Variants in KDM6B observed in about 807,000 individuals in gnomAD.
KDM6B encodes lysine-specific demethylase 6B.
Under a neutral mutation model 150.4 loss-of-function variants are expected in KDM6B, and 22 were observed. The observed-to-expected ratio is 0.15, with a 90% CI of 0.10 to 0.21. The LOEUF is 0.21. Ranked by LOEUF, KDM6B falls within the 10% of genes least tolerant of loss-of-function variation. The pLI is 1.00. For synonymous variants in KDM6B, 1,148 were observed against 921.1 expected (o/e 1.25, Z -4.46); for missense variants, 1,984 against 2,234.3 (o/e 0.89, Z 2.26).
At position 7,834,220 on chromosome 17, in the gene KDM6B, T is replaced by C. The variant is rs1279308142; in HGVS notation, c.-518T>C. ...GCTGGGGAGCGGGGGTGCGGGTGTTTGTGTTGGAAAATCCAACTGCGCCAC... is the reference window on the plus strand; with the variant it reads ...GCTGGGGAGCGGGGGTGCGGGTGTTCGTGTTGGAAAATCCAACTGCGCCAC... On this transcript the variant is annotated 5_prime_UTR_variant, in exon 1 of 24. Coordinates refer to ENST00000448097, the MANE Select transcript of KDM6B (RefSeq NM_001348716.2). 4.0e-5 allele frequency among the ~76,000 whole-genome samples: 6 copies of C among 150,392 alleles called. No homozygotes were observed. The East Asian group carries it at 1.2e-3, about 31-fold the overall frequency.
At chr17:7,840,514 G>A (rs1334673074) in intron 2 of KDM6B, 1 of 152,164 alleles carries the variant, frequency 6.6e-6, no homozygotes, top group East Asian at 1.9e-4. Context: ...ATCTCTTTCA[G>A]TCCCATTCTC....
chr17:7,850,991 C>G, intron 14 of KDM6B, 30 bp from the exon 15 acceptor site: 1 of 1,556,228 alleles, frequency 6.4e-7, no homozygotes, highest in Non-Finnish European at 8.7e-7. Flanking sequence ...CTGCCTCTGC[C>G]CCGACACCCT....
chr17:7,853,196 C>A lies in KDM6B; in HGVS notation c.4738-14C>A. On this transcript the variant is annotated splice_polypyrimidine_tract_variant and intron_variant, in intron 22 of 23. Coordinates refer to ENST00000448097, the MANE Select transcript of KDM6B (RefSeq NM_001348716.2). The stretch of plus-strand genomic sequence containing the variant: ...CCCTCCCTCCCCCTGACTGCACTGT[C>A]CTCCCTGCCCCAGGTGGAGGTGTTT... 1.2e-6 allele frequency: 2 copies of A among 1,613,542 alleles called. No homozygotes were observed. Among genetic ancestry groups the A allele is most frequent in the South Asian group, 2.2e-5 (2 of 90,978 alleles).
At chr17:7,836,762 C>T (rs1450383778) in intron 1 of KDM6B, among the ~76,000 whole-genome samples, 1 of 152,214 alleles carries the variant, frequency 6.6e-6, no homozygotes, top group Non-Finnish European at 1.5e-5. Context: ...TTTGGGTTCC[C>T]AGAATTCCTA....
At chr17:7,846,041 AACCCCCACCCAC>A in intron 6 of KDM6B, 25 bp from the exon 7 acceptor site, 5 of 1,177,870 alleles carry the variant, frequency 4.2e-6, no homozygotes, top group Non-Finnish European at 6.1e-6. Flanking sequence ...CCTCAAGCCC[AACCCCCACCCAC>A]ACCCCCACCC....
At position 7,845,425 on chromosome 17, in the gene KDM6B, T is replaced by A. The variant is rs2078511607; in HGVS notation, c.-37T>A. The A allele has an allele frequency of 1.7e-6, 2 of 1,180,618 alleles. No homozygotes were observed. Among genetic ancestry groups the A allele is most frequent in the Non-Finnish European group, 2.5e-6 (2 of 788,552 alleles). 73.1% of individuals were successfully genotyped at this position (1,180,618 alleles called of 1,614,324 possible). ...AGCTGGGGCAGGGGGCCGTGCCCAATCTCCAGGGCTCCTGGGGCCACTGCT... is the reference window on the plus strand; with the variant it reads ...AGCTGGGGCAGGGGGCCGTGCCCAAACTCCAGGGCTCCTGGGGCCACTGCT... On this transcript the variant is annotated 5_prime_UTR_variant, in exon 4 of 24. Transcript: ENST00000448097.
Position 7,844,835 on chromosome 17 carries a change from C to T in KDM6B, c.-268-66C>T, listed in dbSNP as rs1317029869. 6.3e-6 allele frequency: 1 copy of T among 158,480 alleles called. No homozygotes were observed. The highest frequency in any genetic ancestry group is 2.4e-5 in the African/African-American group (1 of 41,448). The allele number at this position is 158,480 out of a possible 1,614,324, so 9.8% of individuals were successfully genotyped here. A position where few individuals can be genotyped will look rare whatever the true frequency, so the allele number is the denominator to read the frequency against. ...CCCCGGGCTGAGCTCGTCTGACCGGCTCCCGCGCCCCTCCTCCCCCGGCCA... is the reference window on the plus strand; with the variant it reads ...CCCCGGGCTGAGCTCGTCTGACCGGTTCCCGCGCCCCTCCTCCCCCGGCCA... On this transcript the variant is annotated intron_variant, in intron 2 of 23. Coordinates refer to ENST00000448097, the MANE Select transcript of KDM6B (RefSeq NM_001348716.2). This position sits in a 1 kb window ranked among gnomAD's most constrained non-coding sequence, Gnocchi z 5.9.
chr17:7,850,110 G>A lies in KDM6B; in HGVS notation c.3606G>A (p.Leu1202=), dbSNP rs752398243. The A allele has an allele frequency of 2.5e-6, 4 of 1,613,928 alleles. No individual in the cohort carries two copies. In the South Asian group the frequency reaches 3.3e-5, roughly 13 times the overall value. The part of the protein sequence containing the change: ...SKRDAFSPVL[L]QFCTDPRNPI... ...GGGATGCCTTCTCACCTGTCCTGCT[G>A]CAGTTCTGTACAGACCCTCGAAATC... The change falls in exon 14 of 24, where the codon CTG becomes CTA. Residue 1202 remains leucine, a synonymous_variant. Coordinates refer to ENST00000448097, the MANE Select transcript of KDM6B (RefSeq NM_001348716.2).
At position 7,846,382 on chromosome 17, in the gene KDM6B, G is replaced by A. The variant is rs774824018; in HGVS notation, c.457-18G>A. 5 of 569,318 alleles carry A rather than the reference G, an allele frequency of 8.8e-6. No homozygotes were observed. The highest frequency in any genetic ancestry group is 6.4e-5 in the East Asian group (1 of 15,680). 35.3% of individuals were successfully genotyped at this position (569,318 alleles called of 1,614,324 possible). A position where few individuals can be genotyped will look rare whatever the true frequency, so the allele number is the denominator to read the frequency against. ...CCCACCTGACATCTGCCCCTGCCCC[G>A]TGTCCCCCCACCCCCAGGCCCAGCT... On this transcript the variant is annotated intron_variant, in intron 7 of 23. Transcript: ENST00000448097.
chr17:7,835,024 G>A (rs1277392618), intron 1 of KDM6B, among the ~76,000 whole-genome samples: 1 of 152,118 alleles, frequency 6.6e-6, no homozygotes, highest in Non-Finnish European at 1.5e-5. Flanking sequence ...AGATGGCGAG[G>A]GCGAGACGCA....
rs147635033 is a variant in KDM6B, at chr17:7,837,287, T to TGGGG, written c.-387-2613_-387-2610dup. Among the ~76,000 whole-genome samples the TGGGG allele has an allele frequency of 0.015, 2,225 of 150,732 alleles. 74 individuals carry two copies. The East Asian group carries it at 0.15, about 10-fold the overall frequency. Reference sequence around the variant, plus strand: ...AAAGACGGAAGAGTTGTGTGTAGTATGGGGGGGGGTTCACTACACACCAGC... The same window carrying TGGGG: ...AAAGACGGAAGAGTTGTGTGTAGTATGGGGGGGGGGGGGTTCACTACACACCAGC... On this transcript the variant is annotated intron_variant, in intron 1 of 23. Transcript: ENST00000448097.
Position 7,847,460 on chromosome 17 carries a change from A to G in KDM6B, c.1257+8A>G, listed in dbSNP as rs2078578011. 6.2e-7 allele frequency: 1 copy of G among 1,613,624 alleles called. No individual in the cohort carries two copies. Among genetic ancestry groups the G allele is most frequent in the African/African-American group, 1.3e-5 (1 of 75,032 alleles). On this transcript the variant is annotated splice_region_variant and intron_variant, in intron 11 of 23. Coordinates refer to ENST00000448097, the MANE Select transcript of KDM6B (RefSeq NM_001348716.2). ...GAGCCGAACCCAGGCATTGTGAGTGACAACTGAGGGTGGAGGGGGGGATGG... is the reference window on the plus strand; with the variant it reads ...GAGCCGAACCCAGGCATTGTGAGTGGCAACTGAGGGTGGAGGGGGGGATGG...
intron 7 of KDM6B, 30 bp from the exon 8 acceptor site, chr17:7,846,370 T>TGGGGCGGGCCGGGGG: frequency 6.7e-7 from 1 of 1,501,962 alleles, no homozygotes; most frequent in Non-Finnish European, 9.1e-7. Flanking sequence ...ACCTGACATC[T>TGGGGCGGGCCGGGGG]GCCCCTGCCC....
Position 7,848,649 on chromosome 17 carries a change from C to T in KDM6B, c.2361C>T (p.Pro787=). Residue 787 remains proline (P), a synonymous_variant, in exon 12 of 24, where the codon CCC becomes CCT. Coordinates refer to ENST00000448097, the MANE Select transcript of KDM6B (RefSeq NM_001348716.2). The stretch of plus-strand genomic sequence containing the variant: ...CGCCTCTAGCCAAGTTCCCTCCACC[C>T]TCTCAGCCACAGCCACCACCACCCC... The part of the protein sequence containing the change: ...PPPPLAKFPP[P]SQPQPPPPPP... 6.2e-7 allele frequency: 1 copy of T among 1,603,044 alleles called. No homozygotes were observed. The highest frequency in any genetic ancestry group is 8.5e-7 in the Non-Finnish European group (1 of 1,175,348).
chr17:7,853,156 G>C lies in KDM6B; in HGVS notation c.4737+30G>C, dbSNP rs774684578. The C allele has an allele frequency of 4.2e-5, 67 of 1,613,940 alleles. No individual in the cohort carries two copies. In the Admixed American group the frequency reaches 1.1e-3, roughly 27 times the overall value. ...GTGGGCCGGCTCTGCTGCTCTCCCT[G>C]AGTGTCCACAGTGGCCCTCCCTCCC... is the stretch of plus-strand genomic sequence containing the variant. On this transcript the variant is annotated intron_variant, in intron 22 of 23. Coordinates refer to ENST00000448097, the MANE Select transcript of KDM6B (RefSeq NM_001348716.2).
intron 1 of KDM6B, among the ~76,000 whole-genome samples, chr17:7,835,243 G>C (rs1375941090): frequency 6.6e-6 from 1 of 152,100 alleles, no homozygotes; most frequent in Non-Finnish European, 1.5e-5. Context: ...AGTGGGGAGG[G>C]GGGCACGCGG....
Position 7,847,834 on chromosome 17 carries a change from C to T in KDM6B, c.1546C>T (p.Pro516Ser), listed in dbSNP as rs866896316. 2 of 1,546,844 alleles carry T rather than the reference C, an allele frequency of 1.3e-6. No individual in the cohort carries two copies. The highest frequency in any genetic ancestry group is 1.7e-6 in the Non-Finnish European group (2 of 1,143,370). ...GACTGAGGGACCCCCCCGCCCTGCC[C>T]CACCACCCCTCCCCCATCGCGAGGG... ...FGTEGPPRPA[P>S]PPLPHREGFL... Residue 516 changes from proline (P) to serine (S), a missense_variant, in exon 12 of 24, where the codon CCA becomes TCA. By Grantham distance (74) the Pro-to-Ser change is moderately conservative. Coordinates refer to ENST00000448097, the MANE Select transcript of KDM6B (RefSeq NM_001348716.2).
rs779777041 is a variant in KDM6B at position 7,848,555 on chromosome 17, C to T, written c.2267C>T (p.Thr756Ile). 1.9e-6 allele frequency: 3 copies of T among 1,605,220 alleles called. No homozygotes were observed. The highest frequency in any genetic ancestry group is 2.7e-5 in the African/African-American group (2 of 74,494). Residue 756 changes from threonine (T) to isoleucine (I), a missense_variant, in exon 12 of 24, where the codon ACC (threonine) becomes ATC (isoleucine). By Grantham distance (89) the Thr-to-Ile change is moderately conservative. Transcript: ENST00000448097. ...GCTGTCGCCGTCACCACCACCACCACCACCACCACCACCACCACGGCCACC... is the reference window on the plus strand; with the variant it reads ...GCTGTCGCCGTCACCACCACCACCATCACCACCACCACCACCACGGCCACC... ...APAVAVTTTT[T>I]TTTTTTATQE...
chr17:7,847,642 G>A lies in KDM6B; in HGVS notation c.1354G>A (p.Ala452Thr). ...CAGCAGTCGGAAACCGTTCTTGGGG[G>A]CTCCCGCTGCCACTCCCCACCTATC... ...AHSSRKPFLG[A>T]PAATPHLSLP... Residue 452 changes from alanine (A) to threonine (T), a missense_variant, in exon 12 of 24, where the codon GCT (alanine) becomes ACT (threonine). Physicochemically the swap from Ala to Thr is moderately conservative, Grantham distance 58 (BLOSUM62 0). This residue lies in a region of KDM6B where 1,379 missense variants were observed against 1,275.6 expected (regional missense o/e 1.08). Coordinates refer to ENST00000448097, the MANE Select transcript of KDM6B (RefSeq NM_001348716.2). The A allele has an allele frequency of 6.2e-7, 1 of 1,609,754 alleles. No individual in the cohort carries two copies. The highest frequency in any genetic ancestry group is 8.5e-7 in the Non-Finnish European group (1 of 1,179,000).
Sources: gnomAD v4.1 joint callset for allele counts (sites outside exome capture counted in the v4.1 genomes callset) on GRCh38, gnomAD v4.1.1 for gene constraint, gnomAD v4.1.1 regional missense constraint, Gnocchi (gnomAD v3.1) non-coding constraint, MANE v1.5 for transcripts, NCBI Gene and HGNC (gene_info 2026-07-23, HGNC 2026-07-21) for gene names.